LONP2: variants seen among roughly 807,000 people sequenced by gnomAD.
LONP2 encodes the protein lon protease homolog 2, peroxisomal.
Under a neutral mutation model 85.6 loss-of-function variants are expected in LONP2, and 60 were observed. The observed-to-expected ratio is 0.70, with a 90% CI of 0.57 to 0.87. LONP2 has a LOEUF of 0.87. LONP2 is among the 40% of genes least tolerant of loss of function. LONP2 has a pLI of 0.00. For synonymous variants in LONP2, 395 were observed against 389.7 expected (o/e 1.01, Z -0.16); for missense variants, 860 against 1,063.5 (o/e 0.81, Z 2.66).
chr16:48,290,115 TC>T (rs1972529713), intron 8 of LONP2, among the ~76,000 whole-genome samples: 1 of 152,218 alleles, frequency 6.6e-6, no homozygotes, highest in African/African-American at 2.4e-5. Flanking sequence ...TGAGACCTCT[TC>T]TTTAGTTATA....
chr16:48,269,200 GTTTTT>G (rs749826185), intron 6 of LONP2, among the ~76,000 whole-genome samples: 1 of 125,806 alleles, frequency 7.9e-6, no homozygotes. Context: ...TACATCATCT[GTTTTT>G]TTTTTTTTTT....
intron 11 of LONP2, among the ~76,000 whole-genome samples, chr16:48,330,918 C>T (rs997084635): frequency 3.3e-5 from 5 of 152,138 alleles, no homozygotes; most frequent in East Asian, 1.9e-4. Context: ...GTGCTCAGAA[C>T]GCTGAACCCC....
intron 4 of LONP2, among the ~76,000 whole-genome samples, chr16:48,260,451 T>C (rs961723927): frequency 4.6e-5 from 7 of 152,058 alleles, no homozygotes; most frequent in African/African-American, 9.7e-5. Context: ...ATTTAAAAAA[T>C]TAGCCAGCAT....
intron 11 of LONP2, among the ~76,000 whole-genome samples, chr16:48,318,671 A>T (rs1973197137): frequency 6.6e-6 from 1 of 152,218 alleles, no homozygotes; most frequent in South Asian, 2.1e-4. Context: ...CCTGCCACGT[A>T]AGCAAGTATA....
intron 7 of LONP2, 36 bp from the exon 8 acceptor site, chr16:48,277,302 A>G: frequency 6.2e-7 from 1 of 1,600,524 alleles, no homozygotes; most frequent in Non-Finnish European, 8.5e-7. Context: ...GCCTCCTGAC[A>G]TCTCACACTG....
Position 48,347,704 on chromosome 16 carries a change from G to C in LONP2, c.2136G>C (p.Gln712His). Residue 712 changes from glutamine to histidine, a missense_variant, in exon 13 of 15, where the codon CAG becomes CAC. Gln to His is a conservative substitution (Grantham distance 24, BLOSUM62 0). This residue lies in a region of LONP2 where 743 missense variants were observed against 917.3 expected (regional missense o/e 0.81). Transcript: ENST00000285737. ...SWLRSNAKKY[Q>H]LTNAFGSFDL... is the part of the protein sequence containing the mutation. Reference sequence around the variant, plus strand: ...TCCGCAGCAACGCAAAGAAGTACCAGCTGACCAATGGTAGGAGCCTGCACC... The same window carrying C: ...TCCGCAGCAACGCAAAGAAGTACCACCTGACCAATGGTAGGAGCCTGCACC... 1.9e-6 allele frequency: 3 copies of C among 1,612,928 alleles called. No individual in the cohort carries two copies. In the South Asian group the frequency reaches 3.3e-5, roughly 18 times the overall value.
chr16:48,285,502 C>T (rs1972421055), intron 8 of LONP2, among the ~76,000 whole-genome samples: 1 of 152,032 alleles, frequency 6.6e-6, no homozygotes, highest in African/African-American at 2.4e-5. Flanking sequence ...CCGTAGGTCT[C>T]TAAAGTGCTG....
At chr16:48,273,701 CTTCTT>C (rs1322054171) in intron 7 of LONP2, among the ~76,000 whole-genome samples, 1 of 152,094 alleles carries the variant, frequency 6.6e-6, no homozygotes, top group Non-Finnish European at 1.5e-5. Context: ...AGGTAACTAA[CTTCTT>C]TTAAGATGAA....
chr16:48,334,668 TC>T, intron 12 of LONP2: 2 of 589,616 alleles, frequency 3.4e-6, no homozygotes, highest in East Asian at 3.8e-5. Context: ...GTGGACTCTT[TC>T]TGGATGTTGT....
At chr16:48,264,464 G>C (rs938258026) in intron 6 of LONP2, among the ~76,000 whole-genome samples, 1 of 152,224 alleles carries the variant, frequency 6.6e-6, no homozygotes, top group African/African-American at 2.4e-5. Context: ...CCAGCGGTCA[G>C]AGTTTAAGGT....
At chr16:48,304,565 G>A (rs1365486223) in intron 11 of LONP2, among the ~76,000 whole-genome samples, 1 of 152,012 alleles carries the variant, frequency 6.6e-6, no homozygotes, top group African/African-American at 2.4e-5. Flanking sequence ...TTAGCCAGGC[G>A]TGGTGTTGGG....
intron 14 of LONP2, among the ~76,000 whole-genome samples, chr16:48,349,297 G>A (rs1960068304): frequency 6.6e-6 from 1 of 151,846 alleles, no homozygotes; most frequent in African/African-American, 2.4e-5. Context: ...TCGAGATGGA[G>A]TCCGGCTCTC....
intron 8 of LONP2, among the ~76,000 whole-genome samples, chr16:48,294,061 C>T (rs1240483647): frequency 3.9e-5 from 6 of 152,160 alleles, no homozygotes; most frequent in African/African-American, 9.7e-5. Context: ...CTCAGCCTCC[C>T]GAGTAGCTGG....
At chr16:48,264,891 GAAC>G (rs1371920763) in intron 6 of LONP2, among the ~76,000 whole-genome samples, 1 of 152,200 alleles carries the variant, frequency 6.6e-6, no homozygotes, top group African/African-American at 2.4e-5. Context: ...TTTACATTCC[GAAC>G]AACAGTGTAC....
At chr16:48,290,710 G>A (rs994550342) in intron 8 of LONP2, among the ~76,000 whole-genome samples, 1 of 152,218 alleles carries the variant, frequency 6.6e-6, no homozygotes, top group Admixed American at 6.5e-5. Flanking sequence ...ACCTGGGTGT[G>A]CTCAAATTCA....
Position 48,270,197 on chromosome 16 carries a change from G to A in LONP2, c.1164G>A (p.Val388=). 6.2e-7 allele frequency: 1 copy of A among 1,614,022 alleles called. No individual in the cohort carries two copies. The highest frequency in any genetic ancestry group is 8.5e-7 in the Non-Finnish European group (1 of 1,179,962). Reference sequence around the variant, plus strand: ...GTAAAACAAGTGTGGGAAGATCAGTGGCCAAGACTCTAGGTCGAGAGTTCC... The same window carrying A: ...GTAAAACAAGTGTGGGAAGATCAGTAGCCAAGACTCTAGGTCGAGAGTTCC... ...GVGKTSVGRS[V]AKTLGREFHR... Residue 388 remains valine, a synonymous_variant, in exon 7 of 15, where the codon GTG becomes GTA. Coordinates refer to ENST00000285737, the MANE Select transcript of LONP2 (RefSeq NM_031490.5).
rs1597018891 is a variant in LONP2, at chr16:48,362,900, A to C, written c.*1037A>C. The C allele has an allele frequency of 5.9e-6, 1 of 168,414 alleles. No homozygotes were observed. The highest frequency in any genetic ancestry group is 1.9e-4 in the East Asian group (1 of 5,212). The allele number at this position is 168,414 out of a possible 1,614,324, so 10.4% of individuals were successfully genotyped here. ...TGTATAAAATCGGCACTCTGTATCC[A>C]CACGGTCTGCATCCGAGGACTTCAC... On this transcript the variant is annotated 3_prime_UTR_variant, in exon 5 of 5. Coordinates refer to the LONP2 transcript ENST00000565867. The surrounding 1 kb of genome is among the most constrained non-coding windows in gnomAD (Gnocchi z 4.2).
intron 11 of LONP2, among the ~76,000 whole-genome samples, chr16:48,310,383 G>A (rs1973005792): frequency 6.6e-6 from 1 of 151,060 alleles, no homozygotes; most frequent in Non-Finnish European, 1.5e-5. Context: ...CTTGAGTCTT[G>A]CTCTGTCACC....
At chr16:48,250,524 C>T (rs1280751514) in intron 1 of LONP2, among the ~76,000 whole-genome samples, 8 of 152,042 alleles carry the variant, frequency 5.3e-5, no homozygotes, top group Non-Finnish European at 4.4e-5. Context: ...TTAGCATCAC[C>T]TTTTAGCAAT....
Sources: allele counts gnomAD v4.1 joint callset (sites outside exome capture counted in the v4.1 genomes callset), GRCh38; gene constraint gnomAD v4.1.1; regional missense constraint gnomAD v4.1.1; non-coding constraint Gnocchi (gnomAD v3.1); transcripts MANE v1.5; gene names NCBI Gene and HGNC (gene_info 2026-07-23, HGNC 2026-07-21).